The following SLMAP variants were observed in gnomAD, a reference collection of about 807,000 sequenced individuals.
SLMAP encodes the protein sarcolemma associated protein, also known as sarcolemmal membrane-associated protein.
A neutral mutation model predicts 128.8 loss-of-function variants in SLMAP; 44 were observed. That is an observed-to-expected ratio of 0.34 (90% CI 0.27 to 0.44). SLMAP has a LOEUF of 0.44. Ranked by LOEUF, SLMAP falls within the 20% of genes least tolerant of loss-of-function variation. The pLI is 1.00. For synonymous variants in SLMAP, 327 were observed against 348.8 expected (o/e 0.94, Z 0.70); for missense variants, 787 against 985.3 (o/e 0.80, Z 2.69).
intron 2 of SLMAP, among the ~76,000 whole-genome samples, chr3:57,794,588 C>T (rs1030655546): frequency 1.3e-5 from 2 of 152,152 alleles, no homozygotes; most frequent in Non-Finnish European, 2.9e-5. Context: ...CAGTCACCCC[C>T]CCATTTTCTC....
intron 14 of SLMAP, among the ~76,000 whole-genome samples, chr3:57,874,463 C>T (rs2095556523): frequency 6.6e-6 from 1 of 151,046 alleles, no homozygotes; most frequent in African/African-American, 2.4e-5. Flanking sequence ...TTACTTAAAA[C>T]AAAACAACTT....
At chr3:57,804,270 A>G (rs1278991665) in intron 2 of SLMAP, among the ~76,000 whole-genome samples, 1 of 152,154 alleles carries the variant, frequency 6.6e-6, no homozygotes, top group Non-Finnish European at 1.5e-5. Context: ...AGGTTTCTAC[A>G]TCATCCATGC....
chr3:57,875,762 G>T (rs1011692256), intron 14 of SLMAP, among the ~76,000 whole-genome samples: 2 of 152,200 alleles, frequency 1.3e-5, no homozygotes, highest in Non-Finnish European at 2.9e-5. Flanking sequence ...GGTAACCAGA[G>T]TTGGGAAAGT....
chr3:57,767,035 C>T (rs1288905967), intron 2 of SLMAP, among the ~76,000 whole-genome samples: 1 of 152,136 alleles, frequency 6.6e-6, no homozygotes, highest in African/African-American at 2.4e-5. Flanking sequence ...TCTCCTGCCT[C>T]AGCCTCTCAA....
chr3:57,876,373 A>G (rs2095604207), intron 14 of SLMAP, among the ~76,000 whole-genome samples: 1 of 152,242 alleles, frequency 6.6e-6, no homozygotes, highest in Non-Finnish European at 1.5e-5. Flanking sequence ...CTCTTTTCTA[A>G]GAAAAACTTT....
At chr3:57,889,999 C>A in intron 14 of SLMAP, 42 bp from the exon 15 acceptor site, 1 of 1,398,664 alleles carries the variant, frequency 7.1e-7, no homozygotes, top group African/African-American at 1.4e-5. Flanking sequence ...GGAAATGCTG[C>A]TCAGTTTGGG....
chr3:57,834,061 A>G (rs2153552662), intron 3 of SLMAP, among the ~76,000 whole-genome samples: 1 of 152,316 alleles, frequency 6.6e-6, no homozygotes, highest in African/African-American at 2.4e-5. Context: ...CAAAAGGGAA[A>G]TTTCACACTG....
chr3:57,759,099 A>C (rs2078123521), intron 2 of SLMAP, among the ~76,000 whole-genome samples: 1 of 152,202 alleles, frequency 6.6e-6, no homozygotes, highest in Admixed American at 6.5e-5. Flanking sequence ...GGAGGAAAAG[A>C]TTGTCCAAGT....
At chr3:57,869,017 A>G (rs1461845869) in intron 13 of SLMAP, among the ~76,000 whole-genome samples, 1 of 139,298 alleles carries the variant, frequency 7.2e-6, no homozygotes, top group Non-Finnish European at 1.5e-5. Context: ...AATATATATT[A>G]TATGTGTATT....
chr3:57,843,863 C>A (rs548909052), intron 4 of SLMAP, among the ~76,000 whole-genome samples: 9 of 146,324 alleles, frequency 6.2e-5, no homozygotes, highest in African/African-American at 1.8e-4. Context: ...TCACTGCAGC[C>A]TCCACCTCCC....
chr3:57,881,922 G>T (rs1048674403), intron 14 of SLMAP, among the ~76,000 whole-genome samples: 1 of 152,036 alleles, frequency 6.6e-6, no homozygotes, highest in Admixed American at 6.6e-5. Flanking sequence ...GCTTGAGCCC[G>T]GGAGTTAGAG....
intron 24 of SLMAP, 90 bp from the exon 25 acceptor site, chr3:57,927,206 A>T (rs535884576): frequency 1.6e-6 from 1 of 611,330 alleles, no homozygotes; most frequent in Admixed American, 3.0e-5. Flanking sequence ...TATTCTGTTA[A>T]GTATTCAGGA....
chr3:57,807,554 G>T lies in SLMAP; in HGVS notation c.199-23829G>T, dbSNP rs1034681023. Among the ~76,000 whole-genome samples, 17 of 152,246 alleles carry T rather than the reference G, an allele frequency of 1.1e-4. 1 individual carries two copies. The East Asian group carries it at 2.9e-3, about 26-fold the overall frequency. ...CTGCATCTATTGAGATTATCATGTGGTTTTTGTTATTGGTTCTGTTTATGT... is the reference window on the plus strand; with the variant it reads ...CTGCATCTATTGAGATTATCATGTGTTTTTTGTTATTGGTTCTGTTTATGT... On this transcript the variant is annotated intron_variant, in intron 2 of 24. Coordinates refer to ENST00000671191, the MANE Select transcript of SLMAP (RefSeq NM_001377540.1).
At chr3:57,891,087 T>C (rs2096058389) in intron 15 of SLMAP, 1 of 152,088 alleles carries the variant, frequency 6.6e-6, no homozygotes, top group Non-Finnish European at 1.5e-5. Context: ...CATATGGCAA[T>C]TTTTTTCACC....
chr3:57,798,070 A>G (rs1454245052), intron 2 of SLMAP, among the ~76,000 whole-genome samples: 1 of 152,254 alleles, frequency 6.6e-6, no homozygotes, highest in Non-Finnish European at 1.5e-5. Flanking sequence ...ATGTGAAGGC[A>G]TACATGGCAT....
At chr3:57,868,431 T>G (rs1027493032) in intron 13 of SLMAP, among the ~76,000 whole-genome samples, 1 of 151,248 alleles carries the variant, frequency 6.6e-6, no homozygotes, top group African/African-American at 2.4e-5. Flanking sequence ...AAAAAAAATT[T>G]TTTTTTTAAA....
At chr3:57,923,489 A>G (rs1000059467) in intron 23 of SLMAP, among the ~76,000 whole-genome samples, 1 of 152,216 alleles carries the variant, frequency 6.6e-6, no homozygotes, top group African/African-American at 2.4e-5. Context: ...TAAATATTAG[A>G]AAATATTTGG....
intron 6 of SLMAP, among the ~76,000 whole-genome samples, chr3:57,855,987 G>A (rs576713897): frequency 9.0e-4 from 136 of 151,946 alleles, no homozygotes; most frequent in African/African-American, 3.2e-3. Context: ...AGGTTGCAGT[G>A]AGCCAAGATC....
At chr3:57,851,598 G>A (rs938108934) in intron 6 of SLMAP, among the ~76,000 whole-genome samples, 10 of 151,270 alleles carry the variant, frequency 6.6e-5, no homozygotes, top group Admixed American at 2.0e-4. Context: ...CCAGTCTCCC[G>A]AGTAGCTGGA....
Sources: allele counts gnomAD v4.1 joint callset (sites outside exome capture counted in the v4.1 genomes callset), GRCh38; gene constraint gnomAD v4.1.1; transcripts MANE v1.5; gene names NCBI Gene and HGNC (gene_info 2026-07-23, HGNC 2026-07-21).